Variants in USP32 observed in about 807,000 individuals in gnomAD.
The protein encoded by USP32 is ubiquitin carboxyl-terminal hydrolase 32.
USP32 carries 59 observed loss-of-function variants against 204.8 expected under a neutral mutation model. That is an observed-to-expected ratio of 0.29 (90% CI 0.23 to 0.36). The LOEUF (loss-of-function observed/expected upper bound fraction) is 0.36, where lower values mean the gene tolerates loss of function less well. Ranked by LOEUF, USP32 falls within the 10% of genes least tolerant of loss-of-function variation. USP32 has a pLI of 1.00. For missense variants in USP32, 1,160 were observed against 1,946.4 expected (o/e 0.60, Z 7.60); for synonymous variants, 517 against 678.4 (o/e 0.76, Z 3.70).
chr17:60,232,546 A>ATTT (rs11344960), intron 12 of USP32, among the ~76,000 whole-genome samples: 1 of 100,710 alleles, frequency 9.9e-6, no homozygotes, highest in East Asian at 2.8e-4. Flanking sequence ...GAGAAATTTG[A>ATTT]TTTTTTTTTT....
At chr17:60,238,260 G>A (rs2085785463) in intron 11 of USP32, among the ~76,000 whole-genome samples, 1 of 152,064 alleles carries the variant, frequency 6.6e-6, no homozygotes, top group African/African-American at 2.4e-5. Flanking sequence ...GCTTTTTGTT[G>A]TTAAGCTGTA....
intron 9 of USP32, chr17:60,258,097 A>T (rs1216585162): frequency 6.3e-6 from 1 of 158,124 alleles, no homozygotes; most frequent in East Asian, 1.9e-4. Flanking sequence ...CAGGTATTTG[A>T]GATGAAGGTG....
chr17:60,346,142 G>A (rs1483546662), intron 1 of USP32, among the ~76,000 whole-genome samples: 1 of 150,590 alleles, frequency 6.6e-6, no homozygotes, highest in Non-Finnish European at 1.5e-5. Context: ...GATGGGTCTC[G>A]CCATGTTGCC....
chr17:60,203,855 A>G (rs528087644), intron 26 of USP32, among the ~76,000 whole-genome samples: 184 of 152,284 alleles, frequency 1.2e-3, no homozygotes, highest in African/African-American at 4.0e-3. Flanking sequence ...GATTACAGGC[A>G]TGAGCCACTG....
intron 1 of USP32, among the ~76,000 whole-genome samples, chr17:60,409,364 C>T (rs1216237332): frequency 2.6e-5 from 4 of 152,114 alleles, no homozygotes; most frequent in East Asian, 1.9e-4. Flanking sequence ...AAAAACAAAA[C>T]TTTTCTCAAA....
At chr17:60,360,168 C>A (rs1467806971) in intron 1 of USP32, among the ~76,000 whole-genome samples, 3 of 151,770 alleles carry the variant, frequency 2.0e-5, no homozygotes, top group Non-Finnish European at 4.4e-5. Context: ...GCGCCCGGCC[C>A]TGTAAGACAA....
chr17:60,180,979 C>G (rs891782909), intron 32 of USP32, among the ~76,000 whole-genome samples: 17 of 151,934 alleles, frequency 1.1e-4, no homozygotes, highest in Admixed American at 7.9e-4. Context: ...ACCTCCTGGG[C>G]TCAGGTGATC....
intron 1 of USP32, among the ~76,000 whole-genome samples, chr17:60,352,755 G>T (rs1263723502): frequency 6.6e-6 from 1 of 152,140 alleles, no homozygotes; most frequent in African/African-American, 2.4e-5. Context: ...AAAAGAACTC[G>T]AAGGCACAGC....
At chr17:60,415,198 T>C (rs563703977) in intron 1 of USP32, among the ~76,000 whole-genome samples, 64 of 152,312 alleles carry the variant, frequency 4.2e-4, no homozygotes, top group African/African-American at 1.5e-3. Context: ...GAGATTCCTA[T>C]CCACTGGGGA....
At chr17:60,402,952 G>A (rs2089947420) in intron 1 of USP32, among the ~76,000 whole-genome samples, 2 of 152,108 alleles carry the variant, frequency 1.3e-5, no homozygotes, top group African/African-American at 4.8e-5. Flanking sequence ...AGGTTCCAAA[G>A]GTGAGCATCC....
intron 11 of USP32, among the ~76,000 whole-genome samples, chr17:60,244,039 T>TTTG (rs1555599009): frequency 2.2e-5 from 3 of 135,772 alleles, no homozygotes; most frequent in East Asian, 4.0e-4. Context: ...GTTTTTTTTT[T>TTTG]TTTTTTTTTT....
At chr17:60,217,155 T>C (rs1331695731) in intron 16 of USP32, among the ~76,000 whole-genome samples, 1 of 152,236 alleles carries the variant, frequency 6.6e-6, no homozygotes, top group Non-Finnish European at 1.5e-5. Context: ...AGCCACTTAC[T>C]ATACATACTT....
intron 5 of USP32, among the ~76,000 whole-genome samples, chr17:60,286,871 G>T (rs1462522307): frequency 7.2e-5 from 11 of 152,264 alleles, no homozygotes; most frequent in African/African-American, 2.4e-4. Flanking sequence ...TCCCAGCCTG[G>T]GTGTGGTGGC....
At chr17:60,183,686 C>T (rs769612921) in intron 30 of USP32, among the ~76,000 whole-genome samples, 21 of 152,234 alleles carry the variant, frequency 1.4e-4, no homozygotes, top group Admixed American at 4.6e-4. Context: ...GGCACAGCCA[C>T]GTGACTGCGC....
In USP32 at chr17:60,403,481, T is replaced by G. The variant is rs190383364; in HGVS notation, c.106+18765A>C. On this transcript the variant is annotated intron_variant, in intron 1 of 3. Transcript: ENST00000588898. ...GCCCTCGGGTTACAATTCAGATTCCTCCCATTTGTAAGATGCATACACCGT... is the reference window on the plus strand; with the variant it reads ...GCCCTCGGGTTACAATTCAGATTCCGCCCATTTGTAAGATGCATACACCGT... Among the ~76,000 whole-genome samples, 56 of 152,258 alleles carry G rather than the reference T, an allele frequency of 3.7e-4. No homozygotes were observed. The East Asian group carries it at 9.5e-3, about 26-fold the overall frequency.
At chr17:60,223,371 G>A (rs1382579095) in intron 14 of USP32, 40 bp downstream of exon 14, 12 of 1,549,162 alleles carry the variant, frequency 7.7e-6, no homozygotes, top group Middle Eastern at 1.8e-4. Flanking sequence ...TTAATAGCTT[G>A]CAAGAGAATA....
In USP32 at chr17:60,320,458, G is replaced by A. The variant is rs957870505; in HGVS notation, c.187-18754C>T. Among the ~76,000 whole-genome samples the A allele has an allele frequency of 1.3e-4, 20 of 151,928 alleles. No individual in the cohort carries two copies. The South Asian group carries it at 2.1e-3, about 16-fold the overall frequency. ...GCTCAAGGGCACCATCCCATCACAC[G>A]GCACACTCACGCAGACATCCACACT... On this transcript the variant is annotated intron_variant, in intron 2 of 33. Coordinates refer to ENST00000300896, the MANE Select transcript of USP32 (RefSeq NM_032582.4).
chr17:60,234,405 A>G (rs1027663776), intron 12 of USP32, among the ~76,000 whole-genome samples: 9 of 144,932 alleles, frequency 6.2e-5, no homozygotes, highest in Non-Finnish European at 1.2e-4. Flanking sequence ...GAGCCACCAC[A>G]CCCGGCTCAA....
intron 2 of USP32, among the ~76,000 whole-genome samples, chr17:60,328,882 G>A: frequency 1.3e-5 from 2 of 149,478 alleles, no homozygotes; most frequent in East Asian, 3.9e-4. Context: ...CAGCCAGTGT[G>A]TCTTGACTGC....
Sources: gnomAD v4.1 joint callset for allele counts (sites outside exome capture counted in the v4.1 genomes callset) on GRCh38, gnomAD v4.1.1 for gene constraint, MANE v1.5 for transcripts, NCBI Gene and HGNC (gene_info 2026-07-23, HGNC 2026-07-21) for gene names.